SLC14A2: variants seen among roughly 807,000 people sequenced by gnomAD.
SLC14A2 encodes the protein urea transporter 2.
In SLC14A2, 91 loss-of-function variants were observed where a neutral mutation model predicts 104.6. The observed-to-expected ratio is 0.87, with a 90% CI of 0.73 to 1.04. SLC14A2 has a LOEUF of 1.04. SLC14A2 is among the 50% of genes least tolerant of loss of function. The pLI is 0.00. For missense variants in SLC14A2, 1,189 were observed against 1,156.0 expected (o/e 1.03, Z -0.41); for synonymous variants, 476 against 466.4 (o/e 1.02, Z -0.27).
chr18:45,200,109 G>GT, the SLC14A2 span, among the ~76,000 whole-genome samples: 1 of 151,908 alleles, frequency 6.6e-6, no homozygotes, highest in Non-Finnish European at 1.5e-5. Context: ...ACTTCGTGCA[G>GT]TTTTTTATTT....
chr18:45,236,723 A>G (rs957978389), intron 1 of SLC14A2, among the ~76,000 whole-genome samples: 1 of 151,988 alleles, frequency 6.6e-6, no homozygotes, highest in Admixed American at 6.6e-5. Context: ...TACAATAAAC[A>G]TAAGAGTACA....
chr18:45,551,244 G>A (rs1316259969), intron 2 of SLC14A2, among the ~76,000 whole-genome samples: 1 of 152,082 alleles, frequency 6.6e-6, no homozygotes, highest in Non-Finnish European at 1.5e-5. Context: ...AACTCCAGAT[G>A]GATTTTAAAC....
At position 45,394,635 on chromosome 18, in the gene SLC14A2, C is replaced by T. The variant is rs565271138; in HGVS notation, c.-124-88598C>T. ...GAGTATATTTTCATATACATGTTGG[C>T]TATTTCTATGTCTTCTTTAGAGAAA... On this transcript the variant is annotated intron_variant, in intron 1 of 20. Coordinates refer to the SLC14A2 transcript ENST00000586448. 4.8e-4 allele frequency among the ~76,000 whole-genome samples: 73 copies of T among 152,232 alleles called. 1 individual carries two copies. Among genetic ancestry groups the T allele is most frequent in the Admixed American group, 1.2e-3 (19 of 15,280 alleles).
At chr18:45,407,558 A>G (rs1044938484) in intron 1 of SLC14A2, among the ~76,000 whole-genome samples, 3 of 152,340 alleles carry the variant, frequency 2.0e-5, no homozygotes, top group East Asian at 1.9e-4. Flanking sequence ...CAACTTGGCT[A>G]ACTGGCTCAA....
chr18:45,376,889 T>G (rs972866284), intron 1 of SLC14A2, among the ~76,000 whole-genome samples: 1 of 152,188 alleles, frequency 6.6e-6, no homozygotes, highest in African/African-American at 2.4e-5. Context: ...TGCTCATACT[T>G]TTCACCTCTT....
At chr18:45,618,342 A>G (rs2045106131) in intron 1 of SLC14A2, among the ~76,000 whole-genome samples, 1 of 152,170 alleles carries the variant, frequency 6.6e-6, no homozygotes, top group Admixed American at 6.5e-5. Context: ...ACTTCTCCAG[A>G]GCTGCTGTGG....
chr18:45,532,463 A>G (rs960525234), intron 2 of SLC14A2, among the ~76,000 whole-genome samples: 12 of 145,624 alleles, frequency 8.2e-5, no homozygotes, highest in African/African-American at 3.3e-4. Flanking sequence ...CTTTGAAGCA[A>G]TTGTGAATGG....
chr18:45,200,003 G>A, the SLC14A2 span, among the ~76,000 whole-genome samples: 1 of 152,132 alleles, frequency 6.6e-6, no homozygotes, highest in East Asian at 1.9e-4. Context: ...CATACATATG[G>A]AGCTAGTCTC....
chr18:45,331,759 C>T (rs906069903), intron 1 of SLC14A2, among the ~76,000 whole-genome samples: 6 of 152,142 alleles, frequency 3.9e-5, no homozygotes, highest in Admixed American at 2.0e-4. Context: ...CCTCATGTAC[C>T]ATTACTTGAA....
At chr18:45,673,885 G>GT in intron 18 of SLC14A2, 68 bp downstream of exon 18, 3 of 1,490,196 alleles carry the variant, frequency 2.0e-6, no homozygotes, top group Non-Finnish European at 2.8e-6. Context: ...GTTTTTTTAT[G>GT]TTTTTTAATG....
At chr18:45,245,715 A>G (rs899875190) in intron 1 of SLC14A2, among the ~76,000 whole-genome samples, 3 of 152,174 alleles carry the variant, frequency 2.0e-5, no homozygotes, top group Admixed American at 1.3e-4. Flanking sequence ...TGCAGAAGAG[A>G]TCATTTCCAC....
intron 2 of SLC14A2, chr18:45,528,074 C>T (rs1452058775): frequency 6.6e-6 from 1 of 151,816 alleles, no homozygotes; most frequent in Non-Finnish European, 1.5e-5. Context: ...CCTCCTCCCT[C>T]CAGGCAGATG....
chr18:45,488,071 G>GTCTGA (rs913384399), intron 2 of SLC14A2, among the ~76,000 whole-genome samples: 3 of 152,116 alleles, frequency 2.0e-5, no homozygotes, highest in African/African-American at 7.2e-5. Flanking sequence ...ATTACAAAGT[G>GTCTGA]GTCCTAGACT....
At chr18:45,386,004 C>T (rs1411966072) in intron 1 of SLC14A2, among the ~76,000 whole-genome samples, 1 of 152,176 alleles carries the variant, frequency 6.6e-6, no homozygotes, top group Non-Finnish European at 1.5e-5. Flanking sequence ...CCCACAGGAG[C>T]TTAGGGTCTA....
chr18:45,559,283 A>G (rs73441832), intron 2 of SLC14A2, among the ~76,000 whole-genome samples: 39 of 152,350 alleles, frequency 2.6e-4, no homozygotes, highest in African/African-American at 9.1e-4. Context: ...GAGGTTAGAA[A>G]TGGAAGAGTG....
At chr18:45,207,405 G>T in the SLC14A2 span, among the ~76,000 whole-genome samples, 1 of 150,566 alleles carries the variant, frequency 6.6e-6, no homozygotes, top group African/African-American at 2.4e-5. Context: ...GGGAGGAAAA[G>T]AGAGAGAAAG....
At chr18:45,673,855 A>G (rs745382979) in intron 18 of SLC14A2, 38 bp downstream of exon 18, 2 of 1,595,264 alleles carry the variant, frequency 1.3e-6, no homozygotes, top group South Asian at 2.2e-5. Flanking sequence ...TCCTTTATAA[A>G]AGGCTTTTTA....
At chr18:45,358,183 GAGTAGAAACC>G (rs2085574614) in intron 1 of SLC14A2, among the ~76,000 whole-genome samples, 1 of 152,168 alleles carries the variant, frequency 6.6e-6, no homozygotes, top group African/African-American at 2.4e-5. Context: ...AGGGAGGAAA[GAGTAGAAACC>G]AGCTTGGTTT....
chr18:45,300,887 C>A (rs1000621848), intron 1 of SLC14A2, among the ~76,000 whole-genome samples: 2 of 152,176 alleles, frequency 1.3e-5, no homozygotes, highest in Non-Finnish European at 2.9e-5. Flanking sequence ...AGTCTCCTCT[C>A]CCCGGGAGCT....
Sources: gnomAD v4.1 joint callset for allele counts (sites outside exome capture counted in the v4.1 genomes callset) on GRCh38, gnomAD v4.1.1 for gene constraint, MANE v1.5 for transcripts, NCBI Gene and HGNC (gene_info 2026-07-23, HGNC 2026-07-21) for gene names.